Variants in SYNE3 observed in about 807,000 individuals in gnomAD.
The protein encoded by SYNE3 is spectrin repeat containing nuclear envelope family member 3.
Under a neutral mutation model 111.2 loss-of-function variants are expected in SYNE3, and 100 were observed. The ratio of observed to expected loss-of-function variants is 0.90; its 90% CI spans 0.77 to 1.06. The LOEUF (loss-of-function observed/expected upper bound fraction) is 1.06, where lower values mean the gene tolerates loss of function less well. Ranked by LOEUF, SYNE3 falls within the 50% of genes least tolerant of loss-of-function variation. The pLI is 0.00. For missense variants in SYNE3, 1,160 were observed against 1,240.3 expected, an observed-to-expected ratio of 0.94 and a Z score of 0.97; for synonymous variants, 547 against 533.9, an observed-to-expected ratio of 1.02 and a Z score of -0.34.
At chr14:95,444,705 C>T (rs964794381) in intron 9 of SYNE3, 77 bp from the exon 10 acceptor site, 19 of 1,467,064 alleles carry the variant, frequency 1.3e-5, no homozygotes, top group Non-Finnish European at 1.5e-5. Flanking sequence ...ACCCGTTCAG[C>T]CAGGCTGCTC....
At chr14:95,421,133 T>C (rs1189809947) in intron 17 of SYNE3, among the ~76,000 whole-genome samples, 7 of 152,292 alleles carry the variant, frequency 4.6e-5, no homozygotes, top group Middle Eastern at 3.4e-3. Context: ...AACTGTGAGT[T>C]CATTAAACCT....
intron 11 of SYNE3, 131 bp from the exon 12 acceptor site, chr14:95,440,206 A>G: frequency 9.6e-7 from 1 of 1,036,344 alleles, no homozygotes; most frequent in Non-Finnish European, 1.4e-6. Flanking sequence ...TAGCACCACA[A>G]GAGGCTGGGC....
At chr14:95,490,378 G>A (rs1163371266) in intron 1 of SYNE3, among the ~76,000 whole-genome samples, 1 of 152,216 alleles carries the variant, frequency 6.6e-6, no homozygotes. Context: ...GGAGACCTTG[G>A]CAGGAGCTAG....
chr14:95,432,197 T>C (rs927514522), intron 16 of SYNE3, 80 bp from the exon 17 acceptor site: 19 of 1,492,114 alleles, frequency 1.3e-5, no homozygotes, highest in Non-Finnish European at 1.6e-5. Context: ...ACAGAGCCTG[T>C]AATGGAATAT....
chr14:95,509,775 C>T (rs1256385412), intron 1 of SYNE3, among the ~76,000 whole-genome samples: 1 of 152,222 alleles, frequency 6.6e-6, no homozygotes, highest in African/African-American at 2.4e-5. Context: ...CCTGTTCTGT[C>T]CATGCCTTGG....
chr14:95,507,817 A>C (rs1042659746), intron 1 of SYNE3, among the ~76,000 whole-genome samples: 9 of 152,208 alleles, frequency 5.9e-5, no homozygotes, highest in African/African-American at 2.2e-4. Flanking sequence ...AGTTCTCAAC[A>C]GCTAGTGAAC....
chr14:95,440,765 C>G (rs1213830268), intron 11 of SYNE3, among the ~76,000 whole-genome samples: 1 of 152,200 alleles, frequency 6.6e-6, no homozygotes, highest in Admixed American at 6.5e-5. Flanking sequence ...TCAGAGCCCC[C>G]CTTGAGGGTC....
chr14:95,417,964 C>T lies in SYNE3; in HGVS notation c.2790G>A (p.Leu930=). The T allele has an allele frequency of 6.2e-7, 1 of 1,613,376 alleles. No individual in the cohort carries two copies. The highest frequency in any genetic ancestry group is 8.5e-7 in the Non-Finnish European group (1 of 1,179,978). The stretch of plus-strand genomic sequence containing the variant: ...GGAGGAACAGCAGCAGAAGCAGCTG[C>T]AGTGGGAGCGCCACACAGCACGCCC... The part of the protein sequence containing the change: ...FRRACCVALP[L]QLLLLLFLLL... The change falls in exon 18 of 18, where the codon CTG becomes CTA. Residue 930 remains leucine, a synonymous_variant. Coordinates refer to ENST00000682763, the MANE Select transcript of SYNE3 (RefSeq NM_152592.6).
chr14:95,476,336 G>C (rs757906866), intron 1 of SYNE3, among the ~76,000 whole-genome samples: 6 of 152,224 alleles, frequency 3.9e-5, no homozygotes, highest in Non-Finnish European at 7.3e-5. Flanking sequence ...GGTCGTGTTA[G>C]GTTCATGCCA....
At chr14:95,426,205 G>T (rs1885420022) in intron 17 of SYNE3, among the ~76,000 whole-genome samples, 1 of 152,174 alleles carries the variant, frequency 6.6e-6, no homozygotes, top group Non-Finnish European at 1.5e-5. Flanking sequence ...ATCAAAGACT[G>T]ATTGCTTCTG....
chr14:95,512,245 A>G (rs1405339911), intron 1 of SYNE3, among the ~76,000 whole-genome samples: 1 of 152,214 alleles, frequency 6.6e-6, no homozygotes, highest in East Asian at 1.9e-4. Flanking sequence ...TTAACATTGG[A>G]ATCTGAGGAG....
At chr14:95,512,912 A>G (rs1890774163) in intron 1 of SYNE3, among the ~76,000 whole-genome samples, 1 of 152,134 alleles carries the variant, frequency 6.6e-6, no homozygotes. Flanking sequence ...TCACAAGCCT[A>G]CCACTGGACT....
At chr14:95,455,836 T>C (rs1361120407) in intron 5 of SYNE3, 112 bp from the exon 6 acceptor site, 1 of 1,109,416 alleles carries the variant, frequency 9.0e-7, no homozygotes, top group Non-Finnish European at 1.3e-6. Context: ...CCTGGAGTCC[T>C]GCGTTAGAGC....
At chr14:95,443,424 C>T (rs1566964312) in intron 10 of SYNE3, 135 bp from the exon 11 acceptor site, 3 of 1,130,264 alleles carry the variant, frequency 2.7e-6, no homozygotes, top group South Asian at 3.4e-5. Context: ...TCTTTCATAC[C>T]AGCGGAAGTA....
intron 17 of SYNE3, among the ~76,000 whole-genome samples, chr14:95,418,629 A>G (rs1026403636): frequency 6.7e-6 from 1 of 148,902 alleles, no homozygotes. Context: ...TTTGAGATGG[A>G]GTCTCGCTCT....
chr14:95,484,166 T>C (rs1194425835), intron 1 of SYNE3, among the ~76,000 whole-genome samples: 1 of 151,982 alleles, frequency 6.6e-6, no homozygotes, highest in Admixed American at 6.6e-5. Context: ...ATACAGGTGT[T>C]TGAGAGGGAG....
chr14:95,510,787 CA>C (rs548139909), intron 1 of SYNE3, among the ~76,000 whole-genome samples: 37 of 143,272 alleles, frequency 2.6e-4, no homozygotes, highest in East Asian at 4.0e-4. Flanking sequence ...GACTCCGTCT[CA>C]AAAAAAAAAA....
At chr14:95,429,706 AG>A (rs1247173739) in intron 17 of SYNE3, among the ~76,000 whole-genome samples, 1 of 152,158 alleles carries the variant, frequency 6.6e-6, no homozygotes, top group African/African-American at 2.4e-5. Context: ...TTAGTCATTT[AG>A]GGCTTTCCGT....
intron 8 of SYNE3, among the ~76,000 whole-genome samples, chr14:95,448,674 CA>C (rs1886864541): frequency 6.6e-6 from 1 of 152,174 alleles, no homozygotes; most frequent in Non-Finnish European, 1.5e-5. Context: ...GGTGATAGAG[CA>C]AGACTTCGTC....
Sources: gnomAD v4.1 joint callset for allele counts (sites outside exome capture counted in the v4.1 genomes callset) on GRCh38, gnomAD v4.1.1 for gene constraint, MANE v1.5 for transcripts, NCBI Gene and HGNC (gene_info 2026-07-23, HGNC 2026-07-21) for gene names.